Variants in MNAT1 observed in about 807,000 individuals in gnomAD.
MNAT1 encodes CDK-activating kinase assembly factor MAT1.
A neutral mutation model predicts 42.0 loss-of-function variants in MNAT1; 43 were observed. That is an observed-to-expected ratio of 1.02 (90% confidence interval 0.80 to 1.32). The LOEUF is 1.32. Among genes scored for constraint, MNAT1 ranks in the 40% most tolerant of loss-of-function variants. The pLI is 0.00. For synonymous variants in MNAT1, 118 were observed against 120.0 expected (o/e 0.98, Z 0.11); for missense variants, 306 against 350.4 (o/e 0.87, Z 1.01).
intron 6 of MNAT1, among the ~76,000 whole-genome samples, chr14:60,833,226 T>TGG (rs1594786848): frequency 6.6e-6 from 1 of 152,072 alleles, no homozygotes; most frequent in East Asian, 1.9e-4. Flanking sequence ...TGAATAGGAG[T>TGG]GGTGAGAGAG....
rs971092812 is a variant in MNAT1, at chr14:60,780,213, G to T, written c.90-16004G>T. On this transcript the variant is annotated intron_variant, in intron 1 of 7. Transcript: ENST00000261245. Reference sequence around the variant, plus strand: ...CAACTAAAAGATTGGTTATACAAGTGTTCAGTTCAGAAACTGGTTGTAGTT... The same window carrying T: ...CAACTAAAAGATTGGTTATACAAGTTTTCAGTTCAGAAACTGGTTGTAGTT... The T allele has an allele frequency of 1.5e-5, 22 of 1,451,364 alleles. No individual in the cohort carries two copies. The African/African-American group carries it at 2.7e-4, about 18-fold the overall frequency. 89.9% of individuals were successfully genotyped at this position (1,451,364 alleles called of 1,614,324 possible). A position where few individuals can be genotyped will look rare whatever the true frequency, so the allele number is the denominator to read the frequency against.
intron 1 of MNAT1, among the ~76,000 whole-genome samples, chr14:60,755,527 T>A (rs1410053958): frequency 6.6e-6 from 1 of 152,204 alleles, no homozygotes; most frequent in Non-Finnish European, 1.5e-5. Flanking sequence ...TCCTCCTGCC[T>A]CGTCCTCCCA....
At chr14:60,936,841 A>G (rs1282165525) in intron 7 of MNAT1, among the ~76,000 whole-genome samples, 1 of 152,154 alleles carries the variant, frequency 6.6e-6, no homozygotes, top group Non-Finnish European at 1.5e-5. Flanking sequence ...CAGTCCCACC[A>G]ACAGTGTAAA....
At chr14:60,894,412 C>A (rs2034909757) in intron 7 of MNAT1, among the ~76,000 whole-genome samples, 1 of 151,872 alleles carries the variant, frequency 6.6e-6, no homozygotes, top group Admixed American at 6.6e-5. Flanking sequence ...CTTCTTAGAA[C>A]ATGAAGATTT....
At chr14:60,802,931 C>CTTTTTT (rs562133472) in intron 3 of MNAT1, among the ~76,000 whole-genome samples, 1 of 133,328 alleles carries the variant, frequency 7.5e-6, no homozygotes, top group African/African-American at 2.7e-5. Flanking sequence ...ATAAATAAAA[C>CTTTTTT]TTTTTTTTTT....
chr14:60,803,472 C>G (rs2032272966), intron 3 of MNAT1, among the ~76,000 whole-genome samples: 1 of 152,106 alleles, frequency 6.6e-6, no homozygotes, highest in Non-Finnish European at 1.5e-5. Context: ...AGAAGAGGCA[C>G]AGAGAGCTTA....
chr14:60,799,407 G>A (rs1035850067), intron 3 of MNAT1: 7 of 985,002 alleles, frequency 7.1e-6, no homozygotes, highest in Admixed American at 6.1e-5. Context: ...TAGAAATCTG[G>A]CTCTATATAG....
At chr14:60,739,951 C>G (rs1410271666) in intron 1 of MNAT1, among the ~76,000 whole-genome samples, 1 of 152,134 alleles carries the variant, frequency 6.6e-6, no homozygotes, top group Admixed American at 6.5e-5. Context: ...GTCAGGAGTT[C>G]GAGACCATCC....
chr14:60,907,377 G>T (rs1305728964), intron 7 of MNAT1, among the ~76,000 whole-genome samples: 1 of 143,668 alleles, frequency 7.0e-6, no homozygotes, highest in Non-Finnish European at 1.5e-5. Flanking sequence ...AGGTTGCAGT[G>T]AGCTGAGACC....
rs1288665120 is a variant in MNAT1, at chr14:60,783,195, C to G, written c.90-13022C>G. ...ATACTCCAGAACCACAGATAAATAACACTATGAGATCTCCTGGTTCTGAAG... is the reference window on the plus strand; with the variant it reads ...ATACTCCAGAACCACAGATAAATAAGACTATGAGATCTCCTGGTTCTGAAG... On this transcript the variant is annotated intron_variant, in intron 1 of 7. Coordinates refer to ENST00000261245, the MANE Select transcript of MNAT1 (RefSeq NM_002431.4). Among the ~76,000 whole-genome samples the G allele has an allele frequency of 9.2e-5, 14 of 152,216 alleles. No homozygotes were observed. The South Asian group carries it at 2.9e-3, about 32-fold the overall frequency.
At chr14:60,932,719 AGTT>A (rs1248107573) in intron 7 of MNAT1, among the ~76,000 whole-genome samples, 5 of 152,130 alleles carry the variant, frequency 3.3e-5, no homozygotes, top group African/African-American at 1.2e-4. Flanking sequence ...ATGACCATAC[AGTT>A]GTTATCTATT....
intron 1 of MNAT1, among the ~76,000 whole-genome samples, chr14:60,792,918 T>G (rs1303225455): frequency 1.3e-5 from 2 of 152,238 alleles, no homozygotes; most frequent in Admixed American, 1.3e-4. Context: ...AAAAAATTCC[T>G]AGCACTCCTA....
chr14:60,900,048 A>C (rs1181613624), intron 7 of MNAT1, among the ~76,000 whole-genome samples: 267 of 136,398 alleles, frequency 2.0e-3, no homozygotes, highest in Middle Eastern at 0.011. Flanking sequence ...CTGTTTCCCC[A>C]TCTCTCTCTC....
chr14:60,879,939 T>C, intron 7 of MNAT1, 104 bp downstream of exon 7: 2 of 1,318,524 alleles, frequency 1.5e-6, no homozygotes. Flanking sequence ...TATAGAACTT[T>C]ACTGTTTTGT....
At chr14:60,915,843 T>G (rs538225557) in intron 7 of MNAT1, among the ~76,000 whole-genome samples, 47 of 152,236 alleles carry the variant, frequency 3.1e-4, no homozygotes, top group Non-Finnish European at 5.7e-4. Context: ...GCCTTGAATT[T>G]TACCTCAAAC....
chr14:60,770,105 C>T (rs1425986381), intron 1 of MNAT1, among the ~76,000 whole-genome samples: 2 of 152,098 alleles, frequency 1.3e-5, no homozygotes, highest in Admixed American at 6.5e-5. Flanking sequence ...CTTTTCTGCC[C>T]TTTGCCTTTG....
chr14:60,924,426 G>A (rs1381051014), intron 7 of MNAT1, among the ~76,000 whole-genome samples: 11 of 146,778 alleles, frequency 7.5e-5, no homozygotes, highest in Non-Finnish European at 6.0e-5. Flanking sequence ...CTTGAAAATA[G>A]CAAAACTGTG....
intron 6 of MNAT1, among the ~76,000 whole-genome samples, chr14:60,854,152 G>A (rs2033897777): frequency 6.6e-6 from 1 of 152,156 alleles, no homozygotes; most frequent in African/African-American, 2.4e-5. Context: ...GCTCCATCAT[G>A]TCATTTATAT....
intron 7 of MNAT1, chr14:60,880,050 T>C (rs1168343762): frequency 3.0e-6 from 1 of 329,566 alleles, no homozygotes; most frequent in Non-Finnish European, 5.4e-6. Context: ...ATACATTCGT[T>C]CTTTTAGAAG....
Sources: allele counts gnomAD v4.1 joint callset (sites outside exome capture counted in the v4.1 genomes callset), GRCh38; gene constraint gnomAD v4.1.1; transcripts MANE v1.5; gene names NCBI Gene and HGNC (gene_info 2026-07-23, HGNC 2026-07-21).